The following ADGRL3 variants were observed in gnomAD, a reference collection of about 807,000 sequenced individuals.
ADGRL3 encodes the protein adhesion G protein-coupled receptor L3, also known as calcium-independent alpha-latrotoxin receptor 3.
In ADGRL3, 62 loss-of-function variants were observed where a neutral mutation model predicts 153.5. That is an observed-to-expected ratio of 0.40 (90% CI 0.33 to 0.50). The LOEUF (loss-of-function observed/expected upper bound fraction) is 0.50, where lower values mean the gene tolerates loss of function less well. Ranked by LOEUF, ADGRL3 falls within the 20% of genes least tolerant of loss-of-function variation. ADGRL3 has a pLI of 0.47. For synonymous variants in ADGRL3, 710 were observed against 672.5 expected (o/e 1.06, Z -0.86); for missense variants, 1,641 against 1,859.4 (o/e 0.88, Z 2.16).
chr4:61,449,132 TTTAA>T (rs1482163083), intron 2 of ADGRL3, among the ~76,000 whole-genome samples: 1 of 152,038 alleles, frequency 6.6e-6, no homozygotes, highest in Non-Finnish European at 1.5e-5. Flanking sequence ...TTTTATTTAA[TTTAA>T]TTAATTAATT....
intron 21 of ADGRL3, among the ~76,000 whole-genome samples, chr4:62,018,399 C>T (rs1469031382): frequency 6.6e-6 from 1 of 151,952 alleles, no homozygotes; most frequent in African/African-American, 2.4e-5. Flanking sequence ...ACTCCTGGTT[C>T]CCAGAAGAGA....
At chr4:61,497,443 A>G in intron 3 of ADGRL3, 95 bp downstream of exon 3, 1 of 670,586 alleles carries the variant, frequency 1.5e-6, no homozygotes, top group Non-Finnish European at 2.4e-6. Context: ...ACTGCTTTGT[A>G]GTTTTTCCTT....
intron 9 of ADGRL3, among the ~76,000 whole-genome samples, chr4:61,848,925 G>A (rs1236499833): frequency 6.6e-6 from 1 of 152,114 alleles, no homozygotes; most frequent in Non-Finnish European, 1.5e-5. Context: ...AGTGAAGAAA[G>A]CTCCAACCCA....
chr4:61,583,419 T>G (rs1402826403), intron 4 of ADGRL3, among the ~76,000 whole-genome samples: 1 of 152,056 alleles, frequency 6.6e-6, no homozygotes, highest in Non-Finnish European at 1.5e-5. Context: ...GGAAACAGAA[T>G]GACAAGAGGT....
chr4:61,296,083 T>C (rs2094402726), intron 1 of ADGRL3, among the ~76,000 whole-genome samples: 1 of 152,210 alleles, frequency 6.6e-6, no homozygotes, highest in South Asian at 2.1e-4. Context: ...TTGATTTTGG[T>C]GGCTGCATAG....
At chr4:61,282,354 C>T (rs1352950586) in intron 1 of ADGRL3, among the ~76,000 whole-genome samples, 3 of 151,986 alleles carry the variant, frequency 2.0e-5, no homozygotes, top group Non-Finnish European at 4.4e-5. Context: ...AGATCAAATT[C>T]AGGACTCTAT....
intron 2 of ADGRL3, among the ~76,000 whole-genome samples, chr4:61,472,252 C>T (rs2097966722): frequency 6.6e-6 from 1 of 152,068 alleles, no homozygotes; most frequent in Admixed American, 6.6e-5. Context: ...TTGATGTTAT[C>T]TATTACTGCT....
intron 4 of ADGRL3, among the ~76,000 whole-genome samples, chr4:61,558,536 A>T (rs1320325145): frequency 6.6e-6 from 1 of 151,758 alleles, no homozygotes; most frequent in Admixed American, 6.6e-5. Flanking sequence ...ACCACTTTTT[A>T]TCTATCTAGA....
intron 2 of ADGRL3, among the ~76,000 whole-genome samples, chr4:61,426,062 A>G (rs2097276235): frequency 6.6e-6 from 1 of 152,228 alleles, no homozygotes; most frequent in Non-Finnish European, 1.5e-5. Context: ...CTGTTCATTC[A>G]AGGTTTGGAG....
At chr4:61,929,320 C>T (rs1259669553) in intron 13 of ADGRL3, among the ~76,000 whole-genome samples, 1 of 152,122 alleles carries the variant, frequency 6.6e-6, no homozygotes, top group Non-Finnish European at 1.5e-5. Flanking sequence ...TCTCAGCTTC[C>T]AGAACTGTGA....
At chr4:61,529,543 C>T (rs535800633) in intron 4 of ADGRL3, among the ~76,000 whole-genome samples, 1 of 152,194 alleles carries the variant, frequency 6.6e-6, no homozygotes, top group Admixed American at 6.5e-5. Flanking sequence ...CTGCTACTTA[C>T]AAAACTATGT....
rs115367028 is a variant in ADGRL3, at chr4:61,924,161, A to T, written c.2113-10679A>T. On this transcript the variant is annotated intron_variant, in intron 13 of 26. Transcript: ENST00000683033. ...ATGGTCGGTAGTCAATGCATACCTT[A>T]CTTGATCAATTAGAAACATCTAACA... 4.0e-3 allele frequency among the ~76,000 whole-genome samples: 608 copies of T among 152,156 alleles called. 4 individuals carry two copies. The highest frequency in any genetic ancestry group is 0.014 in the African/African-American group (574 of 41,532).
At chr4:62,064,091 A>G (rs1319419718) in intron 25 of ADGRL3, among the ~76,000 whole-genome samples, 1 of 152,112 alleles carries the variant, frequency 6.6e-6, no homozygotes, top group Non-Finnish European at 1.5e-5. Context: ...ATTAGTACTG[A>G]TGAAAGCATT....
At chr4:61,560,625 C>A (rs905471679) in intron 4 of ADGRL3, among the ~76,000 whole-genome samples, 1 of 149,314 alleles carries the variant, frequency 6.7e-6, no homozygotes, top group African/African-American at 2.5e-5. Flanking sequence ...ACATCCAAAT[C>A]CCATTGAATT....
intron 2 of ADGRL3, among the ~76,000 whole-genome samples, chr4:61,404,827 T>C (rs1387379047): frequency 2.0e-5 from 3 of 152,046 alleles, no homozygotes; most frequent in Non-Finnish European, 2.9e-5. Context: ...GGTTAAACAA[T>C]GGCTTAGATG....
chr4:61,727,802 A>G (rs893943164), intron 6 of ADGRL3, among the ~76,000 whole-genome samples: 3 of 152,156 alleles, frequency 2.0e-5, no homozygotes, highest in Admixed American at 2.0e-4. Context: ...ATATGATTTT[A>G]TATAGTGAAT....
intron 9 of ADGRL3, among the ~76,000 whole-genome samples, chr4:61,836,061 G>A (rs1045745057): frequency 4.6e-5 from 7 of 152,124 alleles, no homozygotes; most frequent in African/African-American, 1.4e-4. Flanking sequence ...ACAAGACAGC[G>A]AGATTTTATC....
chr4:62,063,642 G>A (rs1741410022), intron 25 of ADGRL3: 1 of 669,274 alleles, frequency 1.5e-6, no homozygotes, highest in South Asian at 1.7e-5. Context: ...AGGTGTGCTG[G>A]AGTTTATCTT....
chr4:61,928,230 T>C (rs1458569627), intron 13 of ADGRL3, among the ~76,000 whole-genome samples: 1 of 152,134 alleles, frequency 6.6e-6, no homozygotes, highest in Non-Finnish European at 1.5e-5. Context: ...TATGAAATAA[T>C]TGTTCCCAGC....
Sources: gnomAD v4.1 joint callset for allele counts (sites outside exome capture counted in the v4.1 genomes callset) on GRCh38, gnomAD v4.1.1 for gene constraint, MANE v1.5 for transcripts, NCBI Gene and HGNC (gene_info 2026-07-23, HGNC 2026-07-21) for gene names.